Variants in ABL2 observed in about 807,000 individuals in gnomAD.
The protein encoded by ABL2 is ABL proto-oncogene 2, non-receptor tyrosine kinase, also known as tyrosine-protein kinase ABL2.
A neutral mutation model predicts 107.7 loss-of-function variants in ABL2; 49 were observed. The ratio of observed to expected loss-of-function variants is 0.45; its 90% CI spans 0.36 to 0.58. The LOEUF (loss-of-function observed/expected upper bound fraction) is 0.58, where lower values mean the gene tolerates loss of function less well. ABL2 is among the 20% of genes least tolerant of loss of function. The probability of loss-of-function intolerance (pLI) is 0.00; values close to 1 mark genes in which losing one functional copy is unlikely to be tolerated. For synonymous variants in ABL2, 549 were observed against 548.6 expected (o/e 1.00, Z -0.01); for missense variants, 1,245 against 1,457.0 (o/e 0.85, Z 2.37).
chr1:179,127,938 G>C (rs979635032), intron 3 of ABL2, among the ~76,000 whole-genome samples: 14 of 151,838 alleles, frequency 9.2e-5, no homozygotes, highest in African/African-American at 3.4e-4. Flanking sequence ...GGGAGGCTGA[G>C]GCAGGAGAAT....
rs570707662 is a variant in ABL2, at chr1:179,168,720, G to A, written c.158-35346C>T. Among the ~76,000 whole-genome samples the A allele has an allele frequency of 2.0e-3, 302 of 152,170 alleles. 1 individual carries two copies. Among genetic ancestry groups the A allele is most frequent in the African/African-American group, 7.0e-3 (289 of 41,518 alleles). ...GACACAGAGTAGATACATGACCCTC[G>A]TGCTATCCCTTTAGAGTCACATCCT... On this transcript the variant is annotated intron_variant, in intron 1 of 11. Transcript: ENST00000502732.
chr1:179,108,583 C>G lies in ABL2; in HGVS notation c.2684G>C (p.Gly895Ala). 1 of 1,614,072 alleles carries G rather than the reference C, an allele frequency of 6.2e-7. No homozygotes were observed. The highest frequency in any genetic ancestry group is 8.5e-7 in the Non-Finnish European group (1 of 1,179,972). Residue 895 changes from glycine to alanine, a missense_variant, in exon 12 of 12, where the codon GGT becomes GCT. Transcript: ENST00000502732. Reference sequence around the variant, plus strand: ...TCCAGCCATCCCAAGTCGTGCCCCACCATTCTTCTCTTTACCCTTGGGGGC... The same window carrying G: ...TCCAGCCATCCCAAGTCGTGCCCCAGCATTCTTCTCTTTACCCTTGGGGGC... ...AAAPKGKEKN[G>A]GARLGMAGVP...
chr1:179,137,776 T>C (rs1021270956), intron 1 of ABL2: 2 of 152,230 alleles, frequency 1.3e-5, no homozygotes, highest in African/African-American at 4.8e-5. Context: ...ATTGAGCAGC[T>C]TCCTGGGCTC....
intron 1 of ABL2, among the ~76,000 whole-genome samples, chr1:179,159,686 T>C (rs1658945932): frequency 6.6e-6 from 1 of 152,238 alleles, no homozygotes; most frequent in Non-Finnish European, 1.5e-5. Context: ...AGAATTTTAT[T>C]AATCTCTCAA....
At chr1:179,152,685 G>C (rs910509843) in intron 1 of ABL2, among the ~76,000 whole-genome samples, 1 of 152,178 alleles carries the variant, frequency 6.6e-6, no homozygotes, top group Non-Finnish European at 1.5e-5. Context: ...AATCATTCTA[G>C]GTTTGTGAGT....
intron 1 of ABL2, among the ~76,000 whole-genome samples, chr1:179,207,521 AAAT>A (rs1452917755): frequency 4.6e-5 from 7 of 152,208 alleles, no homozygotes; most frequent in African/African-American, 4.8e-5. Flanking sequence ...AAATGTTAAA[AAAT>A]AATGTTTAAA....
intron 1 of ABL2, among the ~76,000 whole-genome samples, chr1:179,141,265 T>G (rs1414913189): frequency 2.0e-5 from 3 of 151,616 alleles, no homozygotes; most frequent in Non-Finnish European, 4.4e-5. Context: ...TACTCCAATC[T>G]AGACAATAGA....
At chr1:179,132,630 C>G (rs985407710) in intron 2 of ABL2, among the ~76,000 whole-genome samples, 2 of 149,932 alleles carry the variant, frequency 1.3e-5, no homozygotes, top group Non-Finnish European at 3.0e-5. Context: ...CTCTGCCTCC[C>G]GAGTTCAAGC....
chr1:179,179,157 G>A (rs191382327), intron 1 of ABL2, among the ~76,000 whole-genome samples: 8 of 152,254 alleles, frequency 5.3e-5, no homozygotes, highest in Admixed American at 5.2e-4. Context: ...ACCTAAAAGG[G>A]TAAGGCTTAT....
At chr1:179,206,331 C>A (rs529343693) in intron 1 of ABL2, among the ~76,000 whole-genome samples, 1 of 152,068 alleles carries the variant, frequency 6.6e-6, no homozygotes, top group Non-Finnish European at 1.5e-5. Context: ...ATCCCCACCC[C>A]CTTTCTATAA....
chr1:179,177,148 G>A (rs1660096552), intron 1 of ABL2, among the ~76,000 whole-genome samples: 1 of 152,298 alleles, frequency 6.6e-6, no homozygotes, highest in East Asian at 1.9e-4. Flanking sequence ...TAGGAGAGAT[G>A]AGCAAGTGAG....
In ABL2 at chr1:179,108,926, A is replaced by C. The variant is rs1653758001; in HGVS notation, c.2341T>G (p.Ser781Ala). The change falls in exon 12 of 12, where the codon TCA (serine) becomes GCA (alanine). Residue 781 changes from serine to alanine, a missense_variant. By Grantham distance (99) the Ser-to-Ala change is moderately conservative (BLOSUM62 1). Coordinates refer to ENST00000502732, the MANE Select transcript of ABL2 (RefSeq NM_007314.4). ...GAGGACATGGAAGATGTAGAGTTTG[A>C]CCTTGGAAAAGGCTTGGAAGTGTCA... is the stretch of plus-strand genomic sequence containing the variant. ...SDDTSKPFPR[S>A]NSTSSMSSGL... 6.2e-7 allele frequency: 1 copy of C among 1,613,882 alleles called. No individual in the cohort carries two copies. The highest frequency in any genetic ancestry group is 8.5e-7 in the Non-Finnish European group (1 of 1,180,000).
intron 1 of ABL2, among the ~76,000 whole-genome samples, chr1:179,206,492 G>T (rs1470143592): frequency 7.0e-6 from 1 of 142,048 alleles, no homozygotes; most frequent in Non-Finnish European, 1.5e-5. Context: ...GAAATGCTAT[G>T]CATCCATTTA....
chr1:179,220,987 T>G (rs72709492), intron 1 of ABL2: 5,047 of 201,850 alleles, frequency 0.025, 120 homozygotes, highest in Middle Eastern at 0.1. Flanking sequence ...TGGATGTACT[T>G]TTACAAGTAT....
At chr1:179,137,765 T>G (rs576610019) in intron 1 of ABL2, 3 of 152,308 alleles carry the variant, frequency 2.0e-5, no homozygotes, top group Admixed American at 2.0e-4. Context: ...AGTGATGCAA[T>G]ATTGAGCAGC....
rs374817227 is a variant in ABL2, at chr1:179,151,065, A to G, written c.158-17691T>C. Among the ~76,000 whole-genome samples, 9 of 152,356 alleles carry G rather than the reference A, an allele frequency of 5.9e-5. No homozygotes were observed. In the East Asian group the frequency reaches 1.5e-3, roughly 26 times the overall value. Reference sequence around the variant, plus strand: ...AATTACACACTTAGTAGACCACAGTATAGCATGAACACGACTTTTATATGC... The same window carrying G: ...AATTACACACTTAGTAGACCACAGTGTAGCATGAACACGACTTTTATATGC... On this transcript the variant is annotated intron_variant, in intron 1 of 11. Transcript: ENST00000502732.
intron 1 of ABL2, among the ~76,000 whole-genome samples, chr1:179,195,419 A>G (rs1277440809): frequency 6.6e-6 from 1 of 152,246 alleles, no homozygotes; most frequent in South Asian, 2.1e-4. Context: ...ACCCTTGTGC[A>G]TTATTGGTGG....
rs982672399 is a variant in ABL2 at position 179,113,788 on chromosome 1, G to A, written c.1561+1090C>T. Among the ~76,000 whole-genome samples, 8 of 152,050 alleles carry A rather than the reference G, an allele frequency of 5.3e-5. No homozygotes were observed. In the South Asian group the frequency reaches 1.0e-3, roughly 20 times the overall value. Reference sequence around the variant, plus strand: ...CTAAAAAATGCAAAAAAAATTAGCCGGGCGTGGTGGCGGCCGGCGCCTATA... The same window carrying A: ...CTAAAAAATGCAAAAAAAATTAGCCAGGCGTGGTGGCGGCCGGCGCCTATA... On this transcript the variant is annotated intron_variant, in intron 9 of 11. Transcript: ENST00000502732.
intron 1 of ABL2, among the ~76,000 whole-genome samples, chr1:179,227,148 A>C (rs1291090773): frequency 3.3e-5 from 5 of 152,208 alleles, no homozygotes; most frequent in Non-Finnish European, 5.9e-5. Context: ...GCCTATCAAA[A>C]TTTTCTTTCT....
Sources: allele counts gnomAD v4.1 joint callset (sites outside exome capture counted in the v4.1 genomes callset), GRCh38; gene constraint gnomAD v4.1.1; transcripts MANE v1.5; gene names NCBI Gene and HGNC (gene_info 2026-07-23, HGNC 2026-07-21).